DNAH17: variants seen among roughly 807,000 people sequenced by gnomAD.
DNAH17 encodes dynein axonemal heavy chain 17, also known as axonemal beta dynein heavy chain 17.
Under a neutral mutation model 485.6 loss-of-function variants are expected in DNAH17, and 376 were observed. That is an observed-to-expected ratio of 0.77 (90% CI 0.71 to 0.84). DNAH17 has a LOEUF of 0.84. Ranked by LOEUF, DNAH17 falls within the 40% of genes least tolerant of loss-of-function variation. The pLI, the probability that DNAH17 is intolerant of heterozygous loss-of-function variation, is 0.00. For missense variants in DNAH17, 6,370 were observed against 5,839.3 expected (o/e 1.09, Z -2.96); for synonymous variants, 3,031 against 2,405.9 (o/e 1.26, Z -7.60).
chr17:78,513,877 G>A (rs1328875821), intron 26 of DNAH17, among the ~76,000 whole-genome samples: 7 of 152,134 alleles, frequency 4.6e-5, no homozygotes, highest in African/African-American at 9.7e-5. Flanking sequence ...TGAGAGCAGG[G>A]GCCATGTCTC....
At position 78,530,390 on chromosome 17, in the gene DNAH17, G is replaced by A; in HGVS notation, c.3237C>T (p.Arg1079=). 2 of 1,613,348 alleles carry A rather than the reference G, an allele frequency of 1.2e-6. No individual in the cohort carries two copies. Among genetic ancestry groups the A allele is most frequent in the Non-Finnish European group, 1.7e-6 (2 of 1,179,524 alleles). Reference sequence around the variant, plus strand: ...GGTGCCGCTTGAACATGAAGCCCCAGCGCCGGATTGTGCTGAGCAGGGCCT... The same window carrying A: ...GGTGCCGCTTGAACATGAAGCCCCAACGCCGGATTGTGCTGAGCAGGGCCT... The part of the protein sequence containing the change: ...FKQALLSTIR[R]WGFMFKRHLS... Residue 1079 remains arginine (R), a synonymous_variant, in exon 21 of 81, where the codon CGC becomes CGT. Coordinates refer to ENST00000389840, the MANE Select transcript of DNAH17 (RefSeq NM_173628.4).
chr17:78,524,883 C>A (rs980168645), intron 25 of DNAH17, 126 bp downstream of exon 25: 5 of 1,371,564 alleles, frequency 3.6e-6, no homozygotes, highest in Non-Finnish European at 4.9e-6. Flanking sequence ...ATGCCTCCAC[C>A]CAACACCAGA....
At chr17:78,538,019 G>A (rs1156288982) in intron 18 of DNAH17, among the ~76,000 whole-genome samples, 1 of 151,572 alleles carries the variant, frequency 6.6e-6, no homozygotes, top group Non-Finnish European at 1.5e-5. Context: ...TGGGTGTCTG[G>A]AACCCCAGCT....
At position 78,484,776 on chromosome 17, in the gene DNAH17, C is replaced by A. The variant is rs896747976; in HGVS notation, c.7649+92G>T. ...GCCCCACACCAGTCCTGCCCTACTG[C>A]CCTGGGGCTCCGCCTCTTCCTGCGC... On this transcript the variant is annotated intron_variant, in intron 48 of 80. Coordinates refer to ENST00000389840, the MANE Select transcript of DNAH17 (RefSeq NM_173628.4). 73 of 1,230,216 alleles carry A rather than the reference C, an allele frequency of 5.9e-5. 1 individual carries two copies. Among genetic ancestry groups the A allele is most frequent in the Admixed American group, 2.4e-4 (8 of 33,044 alleles). 76.2% of individuals were successfully genotyped at this position (1,230,216 alleles called of 1,614,324 possible). A position where few individuals can be genotyped will look rare whatever the true frequency, so the allele number is the denominator to read the frequency against.
At chr17:78,531,337 CTTTTTTT>C (rs35874440) in intron 20 of DNAH17, among the ~76,000 whole-genome samples, 3 of 122,360 alleles carry the variant, frequency 2.5e-5, no homozygotes, top group African/African-American at 6.5e-5. Context: ...TAAAGTCTGT[CTTTTTTT>C]TTTTTTTTTT....
At chr17:78,465,823 C>A (rs1198931826) in intron 56 of DNAH17, among the ~76,000 whole-genome samples, 1 of 150,226 alleles carries the variant, frequency 6.7e-6, no homozygotes. Flanking sequence ...GTCAGCCCCC[C>A]GCCCGGCCAG....
chr17:78,486,091 C>G lies in DNAH17; in HGVS notation c.7144G>C (p.Glu2382Gln), dbSNP rs535161506. 1.1e-4 allele frequency: 172 copies of G among 1,613,834 alleles called. 1 individual carries two copies. In the South Asian group the frequency reaches 1.7e-3, roughly 16 times the overall value. ...GAGGGGAACTTGATAGTCTTGAATT[C>G]GTTGATCCACCATTTACTGAACTCC... ...RVEFSKWWINEFKTIKFPSQG... is the reference protein window; with the variant it reads ...RVEFSKWWINQFKTIKFPSQG... Residue 2382 changes from glutamate to glutamine, a missense_variant, in exon 46 of 81, where the codon GAA (glutamate) becomes CAA (glutamine). Glu to Gln is a conservative substitution (Grantham distance 29, BLOSUM62 2). Transcript: ENST00000389840.
chr17:78,438,467 A>AGGAGGGAGGAGG (rs2086941274), intron 73 of DNAH17, among the ~76,000 whole-genome samples: 1 of 61,536 alleles, frequency 1.6e-5, no homozygotes, highest in Non-Finnish European at 3.1e-5. Context: ...GAGGAGGAGG[A>AGGAGGGAGGAGG]GATGCTTTTG....
chr17:78,504,292 C>T (rs556861204), intron 31 of DNAH17, among the ~76,000 whole-genome samples: 109 of 152,070 alleles, frequency 7.2e-4, no homozygotes, highest in African/African-American at 1.7e-3. Context: ...CTTGAACTCC[C>T]GACCTCAGAT....
intron 16 of DNAH17, among the ~76,000 whole-genome samples, chr17:78,548,202 C>CT (rs34701814): frequency 0.072 from 5,754 of 79,652 alleles, 698 homozygotes; most frequent in African/African-American, 0.16. Context: ...ATGTCATGGC[C>CT]TTTTTTTTTT....
chr17:78,445,251 G>A (rs1001846717), intron 70 of DNAH17, among the ~76,000 whole-genome samples: 1 of 151,820 alleles, frequency 6.6e-6, no homozygotes, highest in Non-Finnish European at 1.5e-5. Flanking sequence ...GAGGAGGAGA[G>A]GTTGAGGGAG....
chr17:78,476,727 AG>A lies in DNAH17; in HGVS notation c.7998del (p.Leu2667TyrfsTer8). ...TTCAGAACTTCTGCTGTGGAAAATA[AG>A]AGTCCCTGCCCCAAACACAGGATGA... Reference protein sequence around the residue: ...LRDLSNIFQGLLFSTAEVLKT... With the variant: ...LRDLSNIFQGXLFSTAEVLKT... On this transcript the variant is annotated frameshift_variant, in exon 52 of 81. Transcript: ENST00000389840. LOFTEE classifies it high-confidence loss of function. The A allele has an allele frequency of 6.2e-7, 1 of 1,611,766 alleles. No individual in the cohort carries two copies. The highest frequency in any genetic ancestry group is 8.5e-7 in the Non-Finnish European group (1 of 1,178,966).
chr17:78,432,908 C>CCA (rs1555650497), intron 75 of DNAH17, among the ~76,000 whole-genome samples: 2 of 121,660 alleles, frequency 1.6e-5, no homozygotes, highest in East Asian at 5.8e-4. Context: ...ACGTGCCCCC[C>CCA]CCCCCCGACC....
intron 17 of DNAH17, among the ~76,000 whole-genome samples, chr17:78,541,471 A>G (rs1457036285): frequency 2.0e-5 from 3 of 151,660 alleles, no homozygotes; most frequent in Admixed American, 1.3e-4. Flanking sequence ...GATTAATTTC[A>G]CTCAGTCTAT....
intron 48 of DNAH17, among the ~76,000 whole-genome samples, chr17:78,483,009 G>A (rs866436240): frequency 1.3e-5 from 2 of 152,202 alleles, no homozygotes; most frequent in East Asian, 1.9e-4. Flanking sequence ...GGAAACCGAG[G>A]CTGAGCCGCC....
At chr17:78,454,753 A>G (rs1427683971) in intron 63 of DNAH17, 48 bp from the exon 64 acceptor site, 1 of 1,497,676 alleles carries the variant, frequency 6.7e-7, no homozygotes, top group East Asian at 2.3e-5. Context: ...CGACCTTATT[A>G]CTTACTAGAA....
chr17:78,483,900 C>T, intron 48 of DNAH17, among the ~76,000 whole-genome samples: 1 of 152,006 alleles, frequency 6.6e-6, no homozygotes, highest in South Asian at 2.1e-4. Context: ...AGTTCGAGAA[C>T]AGCCTGGCCA....
At chr17:78,542,421 T>C (rs113440957) in intron 17 of DNAH17, among the ~76,000 whole-genome samples, 7 of 152,192 alleles carry the variant, frequency 4.6e-5, no homozygotes, top group Admixed American at 3.3e-4. Flanking sequence ...GTGCTGGGAC[T>C]ACCAGCGTGA....
intron 25 of DNAH17, among the ~76,000 whole-genome samples, chr17:78,520,238 G>T (rs1468562792): frequency 6.6e-6 from 1 of 152,122 alleles, no homozygotes; most frequent in Non-Finnish European, 1.5e-5. Flanking sequence ...AAAAGGAATA[G>T]AATTTCCTCA....
Sources: allele counts gnomAD v4.1 joint callset (sites outside exome capture counted in the v4.1 genomes callset), GRCh38; gene constraint gnomAD v4.1.1; transcripts MANE v1.5; gene names NCBI Gene and HGNC (gene_info 2026-07-23, HGNC 2026-07-21).